The following KLHL1 variants were observed in gnomAD, a reference collection of about 807,000 sequenced individuals.
KLHL1 encodes the protein kelch like family member 1, also known as kelch-like protein 1.
A neutral mutation model predicts 77.7 loss-of-function variants in KLHL1; 47 were observed. The ratio of observed to expected loss-of-function variants is 0.60; its 90% confidence interval spans 0.48 to 0.77. KLHL1 has a LOEUF of 0.77. KLHL1 is among the 30% of genes least tolerant of loss of function. The probability of loss-of-function intolerance (pLI) is 0.00; values close to 1 mark genes in which losing one functional copy is unlikely to be tolerated. For missense variants in KLHL1, 925 were observed against 910.8 expected (o/e 1.02, Z -0.20); for synonymous variants, 360 against 325.2 (o/e 1.11, Z -1.15).
intron 1 of KLHL1, among the ~76,000 whole-genome samples, chr13:70,019,043 G>A (rs2137349235): frequency 6.6e-6 from 1 of 152,246 alleles, no homozygotes; most frequent in South Asian, 2.1e-4. Context: ...ATCATTTAAT[G>A]TCAATTATTT....
chr13:70,042,141 G>T (rs192370726), intron 1 of KLHL1, among the ~76,000 whole-genome samples: 24 of 152,114 alleles, frequency 1.6e-4, no homozygotes, highest in Non-Finnish European at 1.9e-4. Context: ...AATGTAGTTT[G>T]GGATATATAA....
intron 1 of KLHL1, among the ~76,000 whole-genome samples, chr13:70,028,358 C>G (rs962828): frequency 0.85 from 129,734 of 152,154 alleles, 55,858 homozygotes; most frequent in East Asian, 0.92. Context: ...TATATATAGA[C>G]AGAGGTATGT....
intron 4 of KLHL1, among the ~76,000 whole-genome samples, chr13:69,913,677 G>A (rs1239506384): frequency 6.6e-6 from 1 of 152,194 alleles, no homozygotes; most frequent in African/African-American, 2.4e-5. Flanking sequence ...CACTAGGAGG[G>A]AATGGATTGC....
chr13:69,895,245 CTTTGT>C (rs1881587774), intron 4 of KLHL1, among the ~76,000 whole-genome samples: 1 of 152,056 alleles, frequency 6.6e-6, no homozygotes, highest in Non-Finnish European at 1.5e-5. Flanking sequence ...CATCTGGTCC[CTTTGT>C]TTTCTTATTT....
intron 1 of KLHL1, among the ~76,000 whole-genome samples, chr13:69,993,742 G>A (rs1347252927): frequency 6.6e-6 from 1 of 151,930 alleles, no homozygotes; most frequent in Non-Finnish European, 1.5e-5. Flanking sequence ...CAATATCTAG[G>A]TAAAAAATTT....
In KLHL1 at chr13:69,738,661, A is replaced by C. The variant is rs572022381; in HGVS notation, c.1802+1733T>G. 1.5e-4 allele frequency among the ~76,000 whole-genome samples: 23 copies of C among 152,186 alleles called. No homozygotes were observed. In the South Asian group the frequency reaches 2.5e-3, roughly 16 times the overall value. Reference sequence around the variant, plus strand: ...GAAGAAAGAATATCATAACTTGAAGACTATCTTGTTGAAACAAGGCAGGCA... The same window carrying C: ...GAAGAAAGAATATCATAACTTGAAGCCTATCTTGTTGAAACAAGGCAGGCA... On this transcript the variant is annotated intron_variant, in intron 8 of 10. Coordinates refer to ENST00000377844, the MANE Select transcript of KLHL1 (RefSeq NM_020866.3).
intron 1 of KLHL1, among the ~76,000 whole-genome samples, chr13:70,036,450 T>C (rs1886240771): frequency 6.6e-6 from 1 of 152,002 alleles, no homozygotes; most frequent in Admixed American, 6.6e-5. Flanking sequence ...ACTATCCTGA[T>C]TAGTTTTGTA....
At chr13:70,015,219 A>C (rs1198641621) in intron 1 of KLHL1, among the ~76,000 whole-genome samples, 4 of 152,130 alleles carry the variant, frequency 2.6e-5, no homozygotes, top group Admixed American at 6.5e-5. Flanking sequence ...ATGCAAACCT[A>C]TTGTGTATAG....
At chr13:69,839,218 T>C in intron 5 of KLHL1, 56 bp from the exon 6 acceptor site, 1 of 1,184,228 alleles carries the variant, frequency 8.4e-7, no homozygotes, top group East Asian at 2.4e-5. Flanking sequence ...GAACATTATG[T>C]CATTCCTTAA....
rs2137894044 is a variant in KLHL1 at position 69,719,483 on chromosome 13, C to T, written c.1901G>A (p.Cys634Tyr). The change falls in exon 9 of 11, where the codon TGT (cysteine) becomes TAT (tyrosine). Residue 634 changes from cysteine (C) to tyrosine (Y), a missense_variant. Transcript: ENST00000377844. ...TNKWNMCAPM[C>Y]KRRGGVGVAT... ...CACTCCGACACCCCCTCTCCTCTTA[C>T]ACATGGGAGCACACATGTTCCACTT... 6.2e-7 allele frequency: 1 copy of T among 1,613,454 alleles called. No individual in the cohort carries two copies. The highest frequency in any genetic ancestry group is 8.5e-7 in the Non-Finnish European group (1 of 1,179,620).
chr13:70,085,801 T>C (rs1202965512), intron 1 of KLHL1, among the ~76,000 whole-genome samples: 1 of 151,990 alleles, frequency 6.6e-6, no homozygotes, highest in Non-Finnish European at 1.5e-5. Context: ...GAGGCAGAGG[T>C]TGCAGTGAGC....
chr13:70,024,656 C>CTCTCTCTCTCTCTCTCTCTCTA, intron 1 of KLHL1, among the ~76,000 whole-genome samples: 1 of 149,558 alleles, frequency 6.7e-6, no homozygotes, highest in Non-Finnish European at 1.5e-5. Flanking sequence ...CTCTCTCTCT[C>CTCTCTCTCTCTCTCTCTCTCTA]TCTCGCTCTG....
chr13:70,107,194 T>A lies in KLHL1; in HGVS notation c.497+9A>T. 1.9e-6 allele frequency: 3 copies of A among 1,584,984 alleles called. No individual in the cohort carries two copies. Among genetic ancestry groups the A allele is most frequent in the Non-Finnish European group, 2.6e-6 (3 of 1,164,374 alleles). ...AGATGCTTGGAAGCCCCGTGGGGAC[T>A]TACTGTACCTGTGTCCACATCCTTC... On this transcript the variant is annotated intron_variant, in intron 1 of 10. Coordinates refer to ENST00000377844, the MANE Select transcript of KLHL1 (RefSeq NM_020866.3).
intron 1 of KLHL1, among the ~76,000 whole-genome samples, chr13:70,014,040 C>A (rs553709057): frequency 2.6e-5 from 4 of 152,074 alleles, no homozygotes; most frequent in African/African-American, 9.6e-5. Flanking sequence ...AAAATATATT[C>A]AATTTTATGT....
intron 1 of KLHL1, among the ~76,000 whole-genome samples, chr13:70,073,171 A>G (rs570307974): frequency 4.3e-4 from 65 of 152,284 alleles, no homozygotes; most frequent in African/African-American, 1.4e-3. Flanking sequence ...ATGTCCATCA[A>G]TGATAGACTG....
intron 5 of KLHL1, among the ~76,000 whole-genome samples, chr13:69,858,793 A>AT (rs1880022326): frequency 6.6e-6 from 1 of 152,098 alleles, no homozygotes. Flanking sequence ...AGCAATAATG[A>AT]TAAGTACAGG....
intron 4 of KLHL1, among the ~76,000 whole-genome samples, chr13:69,902,414 T>C (rs1322938061): frequency 6.6e-6 from 1 of 152,146 alleles, no homozygotes; most frequent in Non-Finnish European, 1.5e-5. Context: ...AGATTTATCA[T>C]GGTATACTTG....
At chr13:69,839,287 T>A in intron 5 of KLHL1, 125 bp from the exon 6 acceptor site, 1 of 542,300 alleles carries the variant, frequency 1.8e-6, no homozygotes, top group Non-Finnish European at 3.1e-6. Flanking sequence ...CAGGGTGTAG[T>A]AAGAATTCAT....
intron 7 of KLHL1, among the ~76,000 whole-genome samples, chr13:69,789,372 CT>C (rs200227838): frequency 5.1e-4 from 76 of 150,286 alleles, no homozygotes; most frequent in Non-Finnish European, 6.2e-4. Context: ...TTATTATTTA[CT>C]TTTTTTTTGG....
Sources: gnomAD v4.1 joint callset for allele counts (sites outside exome capture counted in the v4.1 genomes callset) on GRCh38, gnomAD v4.1.1 for gene constraint, MANE v1.5 for transcripts, NCBI Gene and HGNC (gene_info 2026-07-23, HGNC 2026-07-21) for gene names.